The following ABCA3 variants were observed in gnomAD, a reference collection of about 807,000 sequenced individuals.
The protein encoded by ABCA3 is phospholipid-transporting ATPase ABCA3.
ABCA3 carries 88 observed loss-of-function variants against 172.8 expected under a neutral mutation model. The ratio of observed to expected loss-of-function variants is 0.51; its 90% confidence interval spans 0.43 to 0.61. The LOEUF is 0.61. Among genes scored for constraint, ABCA3 ranks in the 20% least tolerant of loss-of-function variants. The pLI is 0.00. For synonymous variants in ABCA3, 1,066 were observed against 983.8 expected (o/e 1.08, Z -1.56); for missense variants, 2,164 against 2,301.0 (o/e 0.94, Z 1.22).
intron 5 of ABCA3, 109 bp downstream of exon 5, chr16:2,325,901 G>A (rs929058120): frequency 6.0e-6 from 9 of 1,497,826 alleles, no homozygotes; most frequent in Admixed American, 1.7e-5. Context: ...AGTCTGCACA[G>A]GGTGAACTCC....
intron 1 of ABCA3, among the ~76,000 whole-genome samples, chr16:2,336,137 CAG>C (rs1216458802): frequency 6.6e-6 from 1 of 152,134 alleles, no homozygotes; most frequent in African/African-American, 2.4e-5. Context: ...TTTGTGAAAA[CAG>C]ACGTTTGAAG....
Position 2,277,827 on chromosome 16 carries a change from T to C in ABCA3, c.4909+52A>G. 3 of 1,604,480 alleles carry C rather than the reference T, an allele frequency of 1.9e-6. No individual in the cohort carries two copies. The highest frequency in any genetic ancestry group is 2.5e-6 in the Non-Finnish European group (3 of 1,177,508). On this transcript the variant is annotated intron_variant, in intron 31 of 32. Transcript: ENST00000301732. The surrounding 1 kb of genome is among the most constrained non-coding windows in gnomAD (Gnocchi z 5.3). ...CTCCGCACAGCAGATGGGAGAGGCCTAGGTAGGGGCCCAGGGCCCACCCAG... is the reference window on the plus strand; with the variant it reads ...CTCCGCACAGCAGATGGGAGAGGCCCAGGTAGGGGCCCAGGGCCCACCCAG...
chr16:2,300,797 G>A (rs953994696), intron 12 of ABCA3, among the ~76,000 whole-genome samples: 54 of 152,212 alleles, frequency 3.5e-4, no homozygotes, highest in African/African-American at 1.2e-3. Flanking sequence ...ATCAGTGCCA[G>A]GGCAGCTGCG....
intron 11 of ABCA3, among the ~76,000 whole-genome samples, chr16:2,307,158 C>T (rs192160654): frequency 3.3e-5 from 5 of 151,814 alleles, no homozygotes; most frequent in African/African-American, 1.2e-4. Context: ...TCGTTTATCA[C>T]TTGTTTCTCT....
Position 2,297,623 on chromosome 16 carries a change from G to A in ABCA3, c.2053-84C>T. 5 of 1,592,938 alleles carry A rather than the reference G, an allele frequency of 3.1e-6. No individual in the cohort carries two copies. Among genetic ancestry groups the A allele is most frequent in the Non-Finnish European group, 4.3e-6 (5 of 1,171,050 alleles). ...GCCTTGCGGTAGGCCCCATCGAGGGGTTCGCGGAGCCGGCTTGAGTCCTCC... is the reference window on the plus strand; with the variant it reads ...GCCTTGCGGTAGGCCCCATCGAGGGATTCGCGGAGCCGGCTTGAGTCCTCC... On this transcript the variant is annotated intron_variant, in intron 16 of 32. Coordinates refer to ENST00000301732, the MANE Select transcript of ABCA3 (RefSeq NM_001089.3). This position sits in a 1 kb window ranked among gnomAD's most constrained non-coding sequence, Gnocchi z 5.6.
rs1446398136 is a variant in ABCA3, at chr16:2,278,613, G to A, written c.4548-155C>T. On this transcript the variant is annotated intron_variant, in intron 29 of 32. Transcript: ENST00000301732. This position sits in a 1 kb window ranked among gnomAD's most constrained non-coding sequence, Gnocchi z 4.4. Reference sequence around the variant, plus strand: ...AAGGAGCTGTGTGTGCACCTGGAAAGCCCACCGCATAGGGCTGGAGGCCCC... The same window carrying A: ...AAGGAGCTGTGTGTGCACCTGGAAAACCCACCGCATAGGGCTGGAGGCCCC... 6.6e-6 allele frequency among the ~76,000 whole-genome samples: 1 copy of A among 152,238 alleles called. No individual in the cohort carries two copies. Among genetic ancestry groups the A allele is most frequent in the Non-Finnish European group, 1.5e-5 (1 of 68,036 alleles).
At chr16:2,316,425 G>T (rs370848725) in intron 10 of ABCA3, among the ~76,000 whole-genome samples, 1 of 133,712 alleles carries the variant, frequency 7.5e-6, no homozygotes, top group South Asian at 2.5e-4. Flanking sequence ...AGTATGGATC[G>T]CTTGAGGTCA....
Position 2,286,867 on chromosome 16 carries a change from G to A in ABCA3, c.3105C>T (p.Arg1035=). 5 of 1,614,108 alleles carry A rather than the reference G, an allele frequency of 3.1e-6. No homozygotes were observed. Among genetic ancestry groups the A allele is most frequent in the Non-Finnish European group, 4.2e-6 (5 of 1,180,036 alleles). The change falls in exon 22 of 33, where the codon CGC becomes CGT. Residue 1035 remains arginine (R), a synonymous_variant. Coordinates refer to ENST00000301732, the MANE Select transcript of ABCA3 (RefSeq NM_001089.3). The surrounding 1 kb of genome is among the most constrained non-coding windows in gnomAD (Gnocchi z 5.2). The stretch of plus-strand genomic sequence containing the variant: ...TGTTGAACAAGGCGTTGACGACCGT[G>A]CGCTCTCCCACATCTCTGAAGGACG... ...VAASFRDVGE[R]TVVNALFNNQ... is the part of the protein sequence containing the mutation.
At chr16:2,322,186 G>A (rs1253292177) in intron 7 of ABCA3, among the ~76,000 whole-genome samples, 5 of 146,330 alleles carry the variant, frequency 3.4e-5, no homozygotes, top group Non-Finnish European at 6.0e-5. Context: ...GACAGAGCAA[G>A]ATTCTGTCTG....
At chr16:2,309,112 A>G (rs2093702602) in intron 10 of ABCA3, among the ~76,000 whole-genome samples, 1 of 151,994 alleles carries the variant, frequency 6.6e-6, no homozygotes, top group East Asian at 1.9e-4. Context: ...CGCCCGGCTA[A>G]TTTTTTGTAT....
In ABCA3 at chr16:2,297,806, C is replaced by T. The variant is rs759555069; in HGVS notation, c.2012G>A (p.Arg671His). The T allele has an allele frequency of 1.9e-5, 31 of 1,613,298 alleles. No homozygotes were observed. The highest frequency in any genetic ancestry group is 5.0e-5 in the Admixed American group (3 of 60,010). ...GAGGGCGATGCCGATGGAGAGCTTG[C>T]GCCTCATGCCCCCGCTCAGGAAGCG... The part of the protein sequence containing the change: ...RSRFLSGGMR[R>H]KLSIGIALIA... Residue 671 changes from arginine (R) to histidine (H), a missense_variant, in exon 16 of 33, where the codon CGC becomes CAC. Arg to His is a conservative substitution (Grantham distance 29). This residue lies in a region of ABCA3 where 1,343 missense variants were observed against 1,369.6 expected (regional missense o/e 0.98). Coordinates refer to ENST00000301732, the MANE Select transcript of ABCA3 (RefSeq NM_001089.3). The surrounding 1 kb of genome is among the most constrained non-coding windows in gnomAD (Gnocchi z 5.6).
rs1381655746 is a variant in ABCA3 at position 2,284,450 on chromosome 16, G to A, written c.3704-13C>T. Reference sequence around the variant, plus strand: ...TCCAGTTTTACAGCTGCGTTGGGGAGGTAAGATCAGTCTGCGCTGGAGGGC... The same window carrying A: ...TCCAGTTTTACAGCTGCGTTGGGGAAGTAAGATCAGTCTGCGCTGGAGGGC... On this transcript the variant is annotated splice_polypyrimidine_tract_variant and intron_variant, in intron 24 of 32. Coordinates refer to ENST00000301732, the MANE Select transcript of ABCA3 (RefSeq NM_001089.3). This position sits in a 1 kb window ranked among gnomAD's most constrained non-coding sequence, Gnocchi z 5.9. The A allele has an allele frequency of 6.2e-7, 1 of 1,613,516 alleles. No individual in the cohort carries two copies.
Position 2,279,693 on chromosome 16 carries a change from G to A in ABCA3, c.4360-563C>T, listed in dbSNP as rs2093652135. On this transcript the variant is annotated intron_variant, in intron 28 of 32. Transcript: ENST00000301732. The surrounding 1 kb of genome is among the most constrained non-coding windows in gnomAD (Gnocchi z 4.4). ...CTGGGTTCTGTGGATTCCAGAGACT[G>A]GATTTCTTTTTCTTTACCTTCCTTC... is the stretch of plus-strand genomic sequence containing the variant. Among the ~76,000 whole-genome samples the A allele has an allele frequency of 2.6e-5, 4 of 151,936 alleles. No homozygotes were observed. Among genetic ancestry groups the A allele is most frequent in the Admixed American group, 2.0e-4 (3 of 15,248 alleles).
chr16:2,315,700 G>C (rs1017241416), intron 10 of ABCA3, among the ~76,000 whole-genome samples: 3 of 151,858 alleles, frequency 2.0e-5, no homozygotes, highest in Admixed American at 2.0e-4. Flanking sequence ...GGTCCCTCTC[G>C]TTCTCCAGGC....
chr16:2,340,025 G>A (rs1001957455), intron 1 of ABCA3, among the ~76,000 whole-genome samples: 4 of 152,252 alleles, frequency 2.6e-5, no homozygotes, highest in Non-Finnish European at 5.9e-5. Context: ...GCCCGCCGCG[G>A]ACCGTGGGCC....
chr16:2,278,627 G>A lies in ABCA3; in HGVS notation c.4548-169C>T, dbSNP rs903134668. Among the ~76,000 whole-genome samples the A allele has an allele frequency of 5.3e-5, 8 of 152,338 alleles. No homozygotes were observed. Among genetic ancestry groups the A allele is most frequent in the Non-Finnish European group, 5.9e-5 (4 of 68,030 alleles). On this transcript the variant is annotated intron_variant, in intron 29 of 32. Coordinates refer to ENST00000301732, the MANE Select transcript of ABCA3 (RefSeq NM_001089.3). This position sits in a 1 kb window ranked among gnomAD's most constrained non-coding sequence, Gnocchi z 4.4. The stretch of plus-strand genomic sequence containing the variant: ...GCACCTGGAAAGCCCACCGCATAGG[G>A]CTGGAGGCCCCAGAGAAGGCTGTTC...
At chr16:2,336,998 G>C (rs770816455) in intron 1 of ABCA3, among the ~76,000 whole-genome samples, 2 of 149,326 alleles carry the variant, frequency 1.3e-5, no homozygotes, top group Non-Finnish European at 3.0e-5. Flanking sequence ...CTGCATTCTT[G>C]AATTCCCAGG....
At chr16:2,316,491 A>G (rs1400321670) in intron 10 of ABCA3, among the ~76,000 whole-genome samples, 5 of 29,066 alleles carry the variant, frequency 1.7e-4, no homozygotes. Context: ...CTAAAAATGC[A>G]AAAAAAAAAA....
At chr16:2,317,149 C>G in intron 10 of ABCA3, 134 bp downstream of exon 10, 1 of 1,357,434 alleles carries the variant, frequency 7.4e-7, no homozygotes, top group Non-Finnish European at 1.0e-6. Context: ...CCAGTCCAAC[C>G]TTCCCCTGGT....
Sources: gnomAD v4.1 joint callset for allele counts (sites outside exome capture counted in the v4.1 genomes callset) on GRCh38, gnomAD v4.1.1 for gene constraint, gnomAD v4.1.1 regional missense constraint, Gnocchi (gnomAD v3.1) non-coding constraint, MANE v1.5 for transcripts, NCBI Gene and HGNC (gene_info 2026-07-23, HGNC 2026-07-21) for gene names.